LOC128092253: variants seen among roughly 807,000 people sequenced by gnomAD.
chr6:133,961,151 A>G, the LOC128092253 span, among the ~76,000 whole-genome samples: 1 of 152,156 alleles, frequency 6.6e-6, no homozygotes, highest in Non-Finnish European at 1.5e-5. Flanking sequence ...ATCGTGAAAG[A>G]TATCTACTGT....
At chr6:133,960,418 CT>C in the LOC128092253 span, among the ~76,000 whole-genome samples, 402 of 131,548 alleles carry the variant, frequency 3.1e-3, no homozygotes, top group Middle Eastern at 4.1e-3. Flanking sequence ...GCTGACCAGC[CT>C]TTTTTTTTTT....
At chr6:133,961,176 C>A in the LOC128092253 span, among the ~76,000 whole-genome samples, 1 of 152,124 alleles carries the variant, frequency 6.6e-6, no homozygotes, top group Non-Finnish European at 1.5e-5. Flanking sequence ...ACTTACCTGC[C>A]CCCAACCCCA....
At chr6:133,978,179 A>T in the LOC128092253 span, among the ~76,000 whole-genome samples, 1 of 152,202 alleles carries the variant, frequency 6.6e-6, no homozygotes, top group Non-Finnish European at 1.5e-5. Flanking sequence ...TGCTGTCCAG[A>T]TGGCTCAGTA....
chr6:133,960,492 C>T, the LOC128092253 span, among the ~76,000 whole-genome samples: 1 of 150,756 alleles, frequency 6.6e-6, no homozygotes, highest in Non-Finnish European at 1.5e-5. Context: ...TTGAAACTTC[C>T]ACTTCAGTGC....
At chr6:133,975,527 GAAAT>G in the LOC128092253 span, among the ~76,000 whole-genome samples, 1 of 152,026 alleles carries the variant, frequency 6.6e-6, no homozygotes, top group Non-Finnish European at 1.5e-5. Flanking sequence ...AAAGAAAAAA[GAAAT>G]AAGCCACCTT....
the LOC128092253 span, among the ~76,000 whole-genome samples, chr6:133,976,815 T>A: frequency 6.6e-6 from 1 of 151,948 alleles, no homozygotes; most frequent in African/African-American, 2.4e-5. Flanking sequence ...GGTGAAACCC[T>A]GTCTCTACTA....
At chr6:133,957,999 A>C in the LOC128092253 span, among the ~76,000 whole-genome samples, 1 of 151,944 alleles carries the variant, frequency 6.6e-6, no homozygotes, top group Non-Finnish European at 1.5e-5. Context: ...TGACTATTGG[A>C]CTCATCTCTG....
chr6:133,958,018 C>CT, the LOC128092253 span, among the ~76,000 whole-genome samples: 9 of 152,108 alleles, frequency 5.9e-5, no homozygotes, highest in African/African-American at 2.2e-4. Flanking sequence ...TGCTGTTAGG[C>CT]TTTAGGAGGG....
chr6:133,958,087 A>G, the LOC128092253 span, among the ~76,000 whole-genome samples: 127 of 152,382 alleles, frequency 8.3e-4, no homozygotes, highest in African/African-American at 2.8e-3. Flanking sequence ...CACTGATGGC[A>G]GATGGACTAA....
the LOC128092253 span, among the ~76,000 whole-genome samples, chr6:133,972,381 G>A: frequency 6.6e-6 from 1 of 152,138 alleles, no homozygotes; most frequent in Non-Finnish European, 1.5e-5. Context: ...ATGTTATACA[G>A]ACATTTTGTC....
the LOC128092253 span, among the ~76,000 whole-genome samples, chr6:133,973,761 A>G: frequency 6.6e-6 from 1 of 152,182 alleles, no homozygotes; most frequent in East Asian, 1.9e-4. Flanking sequence ...CCACTTCCTG[A>G]AGGGCTACAG....
At chr6:133,979,989 T>C in the LOC128092253 span, 2 of 967,452 alleles carry the variant, frequency 2.1e-6, no homozygotes, top group Non-Finnish European at 2.8e-6. Flanking sequence ...AAATAAATAA[T>C]ATAGATTCAT....
chr6:133,974,288 G>C, the LOC128092253 span, among the ~76,000 whole-genome samples: 1 of 152,096 alleles, frequency 6.6e-6, no homozygotes, highest in Non-Finnish European at 1.5e-5. Context: ...GGTTGTTTCT[G>C]TTATAAATAA....
chr6:133,979,588 A>C, the LOC128092253 span, among the ~76,000 whole-genome samples: 1 of 152,206 alleles, frequency 6.6e-6, no homozygotes, highest in Non-Finnish European at 1.5e-5. Context: ...TTTGAAATAT[A>C]TTAGATGTCA....
At chr6:133,953,579 C>T in the LOC128092253 span, among the ~76,000 whole-genome samples, 2 of 151,796 alleles carry the variant, frequency 1.3e-5, no homozygotes, top group Admixed American at 6.6e-5. Flanking sequence ...AGGGCAGCCG[C>T]TGAGGTGGGG....
the LOC128092253 span, among the ~76,000 whole-genome samples, chr6:133,954,663 A>C: frequency 3.3e-5 from 5 of 152,342 alleles, no homozygotes; most frequent in Admixed American, 1.3e-4. Context: ...TTGAAGATTA[A>C]AGATGAAAAT....
At chr6:133,968,062 G>A in the LOC128092253 span, among the ~76,000 whole-genome samples, 14 of 147,846 alleles carry the variant, frequency 9.5e-5, no homozygotes, top group Non-Finnish European at 1.8e-4. Flanking sequence ...AGGCTGGAAT[G>A]TGGTGATGCA....
At chr6:133,964,662 A>G in the LOC128092253 span, among the ~76,000 whole-genome samples, 3 of 151,742 alleles carry the variant, frequency 2.0e-5, no homozygotes, top group Admixed American at 1.3e-4. Context: ...GTTAGCCAGG[A>G]TGGTCTCGAT....
chr6:133,975,740 A>G, the LOC128092253 span, among the ~76,000 whole-genome samples: 2 of 152,348 alleles, frequency 1.3e-5, no homozygotes, highest in Non-Finnish European at 1.5e-5. Flanking sequence ...AGAGAAATAT[A>G]TGAGAATGAT....
Sources: allele counts gnomAD v4.1 joint callset (sites outside exome capture counted in the v4.1 genomes callset), GRCh38; gene constraint gnomAD v4.1.1; transcripts MANE v1.5.